Variants in CCDC180 observed in about 807,000 individuals in gnomAD.
The protein encoded by CCDC180 is coiled-coil domain-containing protein 180.
CCDC180 carries 154 observed loss-of-function variants against 209.2 expected under a neutral mutation model. That is an observed-to-expected ratio of 0.74 (90% CI 0.65 to 0.84). The LOEUF is 0.84. Ranked by LOEUF, CCDC180 falls within the 40% of genes least tolerant of loss-of-function variation. The pLI, the probability that CCDC180 is intolerant of heterozygous loss-of-function variation, is 0.00. For synonymous variants in CCDC180, 778 were observed against 749.1 expected, an observed-to-expected ratio of 1.04 and a Z score of -0.63; for missense variants, 1,874 against 1,997.3, an observed-to-expected ratio of 0.94 and a Z score of 1.18.
At position 97,342,556 on chromosome 9, in the gene CCDC180, G is replaced by A. The variant is rs1424733700; in HGVS notation, c.2275-784G>A. Among the ~76,000 whole-genome samples, 3 of 152,144 alleles carry A rather than the reference G, an allele frequency of 2.0e-5. No individual in the cohort carries two copies. The East Asian group carries it at 5.8e-4, about 29-fold the overall frequency. On this transcript the variant is annotated intron_variant, in intron 18 of 36. Transcript: ENST00000529487. ...AGCCTCTCAAAGTGCTGGTATTACT[G>A]GTGTAAGCTACTGCACCCAGCCACA...
rs763465062 is a variant in CCDC180 at position 97,370,633 on chromosome 9, G to T, written c.4351-8G>T. On this transcript the variant is annotated splice_polypyrimidine_tract_variant and splice_region_variant and intron_variant, in intron 32 of 36. Coordinates refer to ENST00000529487, the MANE Select transcript of CCDC180 (RefSeq NM_020893.6). ...ATTGCCACTGAATTCTGGATTGTTT[G>T]ATTAAAGGACAAAAATGCCCAGAAG... 3.1e-6 allele frequency: 5 copies of T among 1,613,024 alleles called. No homozygotes were observed. The South Asian group carries it at 5.5e-5, about 18-fold the overall frequency.
Position 97,325,097 on chromosome 9 carries a change from C to A in CCDC180, c.1450C>A (p.Leu484Met). Reference protein sequence around the residue: ...LFKYFQEVVQLWEAHQSELLV... With the variant: ...LFKYFQEVVQMWEAHQSELLV... Reference sequence around the variant, plus strand: ...CAAGTATTTCCAGGAGGTGGTACAACTGTGGGAGGCACACCAGAGCGAGCT... The same window carrying A: ...CAAGTATTTCCAGGAGGTGGTACAAATGTGGGAGGCACACCAGAGCGAGCT... The change falls in exon 14 of 37, where the codon CTG (leucine) becomes ATG (methionine). Residue 484 changes from leucine to methionine, a missense_variant. Coordinates refer to ENST00000529487, the MANE Select transcript of CCDC180 (RefSeq NM_020893.6). 1 of 1,613,978 alleles carries A rather than the reference C, an allele frequency of 6.2e-7. No individual in the cohort carries two copies. The highest frequency in any genetic ancestry group is 8.5e-7 in the Non-Finnish European group (1 of 1,179,982).
intron 13 of CCDC180, among the ~76,000 whole-genome samples, chr9:97,324,172 G>A (rs571241059): frequency 1.1e-4 from 17 of 152,218 alleles, no homozygotes; most frequent in African/African-American, 4.1e-4. Context: ...GGCACTGAAG[G>A]GCTGTGGAGG....
chr9:97,325,670 G>A (rs1200624102), intron 14 of CCDC180, among the ~76,000 whole-genome samples: 1 of 152,162 alleles, frequency 6.6e-6, no homozygotes, highest in Non-Finnish European at 1.5e-5. Context: ...TTCTATGTGC[G>A]GTTTCTCAGG....
chr9:97,375,171 G>T (rs1253347152), intron 35 of CCDC180, among the ~76,000 whole-genome samples: 1 of 152,206 alleles, frequency 6.6e-6, no homozygotes, highest in Non-Finnish European at 1.5e-5. Context: ...TGGCAGATCA[G>T]TGAGTAAACT....
intron 8 of CCDC180, among the ~76,000 whole-genome samples, chr9:97,315,510 T>C (rs1833140802): frequency 6.6e-6 from 1 of 152,044 alleles, no homozygotes. Flanking sequence ...TTCCTTGGGG[T>C]GGAAAACACA....
chr9:97,356,542 G>C (rs991026166), intron 24 of CCDC180, among the ~76,000 whole-genome samples: 2 of 152,238 alleles, frequency 1.3e-5, no homozygotes, highest in Non-Finnish European at 2.9e-5. Context: ...GGAGGCCCCA[G>C]ATGAGCCTCT....
rs549725599 is a variant in CCDC180 at position 97,376,851 on chromosome 9, G to A, written c.4931G>A (p.Ser1644Asn). The change falls in exon 37 of 37, where the codon AGC becomes AAC. Residue 1644 changes from serine to asparagine, a missense_variant. By Grantham distance (46) the Ser-to-Asn change is conservative. Transcript: ENST00000529487. ...AAGGAGGCTCAGCGCTGGAAGGACA[G>A]CTGGAAGCAGTCCCTGCACACTATC... ...QIKEAQRWKD[S>N]WKQSLHTIQG... The A allele has an allele frequency of 1.2e-5, 19 of 1,613,116 alleles. No homozygotes were observed. In the African/African-American group the frequency reaches 2.5e-4, roughly 22 times the overall value.
intron 10 of CCDC180, among the ~76,000 whole-genome samples, chr9:97,318,888 A>G (rs1833267815): frequency 6.6e-6 from 1 of 152,090 alleles, no homozygotes; most frequent in Non-Finnish European, 1.5e-5. Context: ...AGGGATTTGG[A>G]CCTTTTTCTG....
chr9:97,332,757 A>G (rs1227536718), intron 18 of CCDC180, among the ~76,000 whole-genome samples: 1 of 152,144 alleles, frequency 6.6e-6, no homozygotes, highest in Admixed American at 6.6e-5. Flanking sequence ...TGTGTATCAG[A>G]TCAAGGGGCT....
At chr9:97,323,968 G>A (rs1485452542) in intron 13 of CCDC180, 65 bp downstream of exon 13, 2 of 1,524,568 alleles carry the variant, frequency 1.3e-6, no homozygotes, top group African/African-American at 2.8e-5. Flanking sequence ...GGGTTGCTGG[G>A]CTGTAGGGAG....
chr9:97,334,138 A>G (rs1386869224), intron 18 of CCDC180, among the ~76,000 whole-genome samples: 1 of 152,132 alleles, frequency 6.6e-6, no homozygotes, highest in Non-Finnish European at 1.5e-5. Context: ...TGTGAGGCAA[A>G]TATTATTAAT....
intron 16 of CCDC180, among the ~76,000 whole-genome samples, chr9:97,329,715 C>T (rs981313481): frequency 2.6e-5 from 4 of 152,188 alleles, no homozygotes; most frequent in African/African-American, 9.7e-5. Flanking sequence ...CCCCAGGGAA[C>T]TAAGTTGGTC....
intron 5 of CCDC180, among the ~76,000 whole-genome samples, chr9:97,313,702 G>A (rs1186728457): frequency 6.6e-6 from 1 of 152,190 alleles, no homozygotes; most frequent in Non-Finnish European, 1.5e-5. Flanking sequence ...TCTGATGAAG[G>A]GCAGAATGGC....
intron 15 of CCDC180, among the ~76,000 whole-genome samples, chr9:97,327,323 A>G (rs1020583502): frequency 4.6e-5 from 7 of 152,130 alleles, no homozygotes; most frequent in Admixed American, 2.0e-4. Flanking sequence ...ATACACATAC[A>G]TAGTGTTTTT....
intron 35 of CCDC180, 47 bp downstream of exon 35, chr9:97,374,695 TG>T: frequency 1.4e-6 from 2 of 1,475,308 alleles, no homozygotes; most frequent in Non-Finnish European, 1.9e-6. Context: ...CTGTATCTGC[TG>T]GGGGTGGTGC....
intron 7 of CCDC180, 46 bp downstream of exon 7, chr9:97,314,774 G>A (rs541547591): frequency 6.2e-7 from 1 of 1,601,542 alleles, no homozygotes; most frequent in African/African-American, 1.3e-5. Context: ...CACTTGCCGG[G>A]TTTATTAGGC....
rs114124175 is a variant in CCDC180 at position 97,333,562 on chromosome 9, T to C, written c.2274+2795T>C. On this transcript the variant is annotated intron_variant, in intron 18 of 36. Coordinates refer to ENST00000529487, the MANE Select transcript of CCDC180 (RefSeq NM_020893.6). ...AGGCTATTTATTATTGATTCCATTT[T>C]GGAGCTCATTATTAGTCTGTTCAGG... is the stretch of plus-strand genomic sequence containing the variant. 7.7e-3 allele frequency among the ~76,000 whole-genome samples: 1,161 copies of C among 150,428 alleles called. 15 individuals are homozygous for C. The highest frequency in any genetic ancestry group is 0.026 in the African/African-American group (1,083 of 40,894).
At chr9:97,316,957 C>A in intron 8 of CCDC180, 108 bp from the exon 9 acceptor site, 2 of 1,132,860 alleles carry the variant, frequency 1.8e-6, no homozygotes, top group South Asian at 1.6e-5. Flanking sequence ...TTGGCCCTCA[C>A]CCTGCACCTC....
Sources: gnomAD v4.1 joint callset for allele counts (sites outside exome capture counted in the v4.1 genomes callset) on GRCh38, gnomAD v4.1.1 for gene constraint, MANE v1.5 for transcripts, NCBI Gene and HGNC (gene_info 2026-07-23, HGNC 2026-07-21) for gene names.